The following MGMT variants were observed in gnomAD, a reference collection of about 807,000 sequenced individuals.
MGMT encodes O-6-methylguanine-DNA methyltransferase.
MGMT carries 14 observed loss-of-function variants against 15.9 expected under a neutral mutation model. That is an observed-to-expected ratio of 0.88 (90% CI 0.58 to 1.37). MGMT has a LOEUF of 1.37. MGMT is among the 40% of genes most tolerant of loss of function. MGMT has a pLI of 0.00. For synonymous variants in MGMT, 130 were observed against 118.2 expected (o/e 1.10, Z -0.65); for missense variants, 282 against 268.1 (o/e 1.05, Z -0.36).
At chr10:129,734,615 G>A (rs1373738671) in intron 3 of MGMT, among the ~76,000 whole-genome samples, 2 of 152,086 alleles carry the variant, frequency 1.3e-5, no homozygotes, top group Non-Finnish European at 2.9e-5. Context: ...GGAGTGGTGA[G>A]AGAGGGTATC....
chr10:129,684,371 A>AG lies in MGMT; in HGVS notation c.126-23518dup, dbSNP rs1847883702. Among the ~76,000 whole-genome samples the AG allele has an allele frequency of 2.0e-5, 3 of 152,172 alleles. No individual in the cohort carries two copies. In the South Asian group the frequency reaches 6.2e-4, roughly 32 times the overall value. ...ATTAATTGGGGATAGAGGGAGATGC[A>AG]GGGGGGCCATCCCAGCACGTGGTAG... On this transcript the variant is annotated intron_variant, in intron 2 of 4. Transcript: ENST00000651593.
intron 1 of MGMT, among the ~76,000 whole-genome samples, chr10:129,529,010 G>A (rs952094213): frequency 1.3e-5 from 2 of 152,140 alleles, no homozygotes; most frequent in African/African-American, 4.8e-5. Flanking sequence ...AGAGAAAGAA[G>A]GGGTGGAGGT....
intron 1 of MGMT, among the ~76,000 whole-genome samples, chr10:129,500,346 C>A (rs1382069659): frequency 6.6e-6 from 1 of 152,116 alleles, no homozygotes; most frequent in Non-Finnish European, 1.5e-5. Context: ...GCTGCTTCAG[C>A]CGACAGGAGG....
intron 2 of MGMT, among the ~76,000 whole-genome samples, chr10:129,615,057 T>G (rs1264185341): frequency 6.6e-6 from 1 of 151,510 alleles, no homozygotes; most frequent in Admixed American, 6.6e-5. Flanking sequence ...TTTTGAGGGG[T>G]GGGGAGGTGC....
chr10:129,545,109 AAG>A (rs947685325), intron 2 of MGMT, among the ~76,000 whole-genome samples: 5 of 152,174 alleles, frequency 3.3e-5, no homozygotes, highest in African/African-American at 1.2e-4. Flanking sequence ...GTTTACCAAT[AAG>A]AGAAATGGAG....
chr10:129,723,005 C>CAAAAAAAAAAA (rs3039560), intron 3 of MGMT, among the ~76,000 whole-genome samples: 1 of 60,254 alleles, frequency 1.7e-5, no homozygotes. Flanking sequence ...GACTCTATCA[C>CAAAAAAAAAAA]AAAAAAAAAA....
chr10:129,469,980 G>A (rs1178024892), intron 1 of MGMT, among the ~76,000 whole-genome samples: 1 of 152,102 alleles, frequency 6.6e-6, no homozygotes, highest in Non-Finnish European at 1.5e-5. Context: ...CCAAAGTGCT[G>A]GAATTATAGG....
At chr10:129,646,754 A>ATTTTTTTTTTTTTTTTTTTTTTT (rs1554873525) in intron 2 of MGMT, among the ~76,000 whole-genome samples, 4 of 86,674 alleles carry the variant, frequency 4.6e-5, no homozygotes, top group Non-Finnish European at 7.7e-5. Flanking sequence ...ATATATATAT[A>ATTTTTTTTTTTTTTTTTTTTTTT]TTTTCAGGGA....
Position 129,501,796 on chromosome 10 carries a change from G to C in MGMT, c.-12-34445G>C, listed in dbSNP as rs187501274. Among the ~76,000 whole-genome samples, 394 of 152,348 alleles carry C rather than the reference G, an allele frequency of 2.6e-3. 1 individual carries two copies. The highest frequency in any genetic ancestry group is 9.1e-3 in the African/African-American group (377 of 41,586). On this transcript the variant is annotated intron_variant, in intron 1 of 4. Transcript: ENST00000651593. ...CCTGAATTGAGCAGCATTCGTGTCT[G>C]TGGTAGACCAGGGAGGCAGGGCTCA...
intron 2 of MGMT, among the ~76,000 whole-genome samples, chr10:129,670,535 G>A (rs1847709525): frequency 6.6e-6 from 1 of 151,888 alleles, no homozygotes; most frequent in African/African-American, 2.4e-5. Context: ...TTAATGTAAT[G>A]GAAATAAAAA....
At chr10:129,708,453 C>T (rs1848193680) in intron 3 of MGMT, among the ~76,000 whole-genome samples, 1 of 152,198 alleles carries the variant, frequency 6.6e-6, no homozygotes, top group African/African-American at 2.4e-5. Context: ...CTGTTGGTGA[C>T]ACTTACATCA....
intron 2 of MGMT, among the ~76,000 whole-genome samples, chr10:129,601,086 AT>A (rs113444809): frequency 0.033 from 4,708 of 142,598 alleles, 96 homozygotes; most frequent in African/African-American, 0.071. Context: ...ATCTGAAAGC[AT>A]TTTTTTTTTT....
chr10:129,486,952 G>C (rs1845415364), intron 1 of MGMT, among the ~76,000 whole-genome samples: 1 of 152,206 alleles, frequency 6.6e-6, no homozygotes, highest in African/African-American at 2.4e-5. Flanking sequence ...TAATAGTGGT[G>C]ATAACGTTAA....
intron 2 of MGMT, among the ~76,000 whole-genome samples, chr10:129,560,163 C>G (rs1846260553): frequency 6.6e-6 from 1 of 152,170 alleles, no homozygotes; most frequent in African/African-American, 2.4e-5. Context: ...TTGACCAATA[C>G]CAGTGAACCT....
Position 129,734,991 on chromosome 10 carries a change from A to G in MGMT, c.275-24211A>G, listed in dbSNP as rs1282155010. Among the ~76,000 whole-genome samples, 4 of 152,124 alleles carry G rather than the reference A, an allele frequency of 2.6e-5. No homozygotes were observed. In the East Asian group the frequency reaches 5.8e-4, roughly 22 times the overall value. The stretch of plus-strand genomic sequence containing the variant: ...TATTTTATTGAGGATTTTTGCATCA[A>G]TGTTAATTAAGGATATTGGTCTAAA... On this transcript the variant is annotated intron_variant, in intron 3 of 4. Transcript: ENST00000651593.
chr10:129,706,237 A>G (rs988188330), intron 2 of MGMT, among the ~76,000 whole-genome samples: 18 of 152,118 alleles, frequency 1.2e-4, no homozygotes, highest in African/African-American at 4.1e-4. Flanking sequence ...TACGTCCGGG[A>G]TGGCTCTGTT....
At chr10:129,671,441 TG>T (rs1294624521) in intron 2 of MGMT, among the ~76,000 whole-genome samples, 1 of 150,940 alleles carries the variant, frequency 6.6e-6, no homozygotes. Flanking sequence ...TTTTTTTTTT[TG>T]GTAAATAAGT....
intron 4 of MGMT, among the ~76,000 whole-genome samples, chr10:129,760,941 TG>T (rs1848865670): frequency 6.6e-6 from 1 of 152,226 alleles, no homozygotes. Context: ...ATAAAACATC[TG>T]CACCACGCAG....
chr10:129,676,317 T>C (rs1589930359), intron 2 of MGMT, among the ~76,000 whole-genome samples: 1 of 152,150 alleles, frequency 6.6e-6, no homozygotes, highest in South Asian at 2.1e-4. Context: ...CCAGGCTCGG[T>C]GTGGGCGGCA....
Sources: gnomAD v4.1 joint callset for allele counts (sites outside exome capture counted in the v4.1 genomes callset) on GRCh38, gnomAD v4.1.1 for gene constraint, MANE v1.5 for transcripts, NCBI Gene and HGNC (gene_info 2026-07-23, HGNC 2026-07-21) for gene names.